HACD3: variants seen among roughly 807,000 people sequenced by gnomAD.
HACD3 encodes the protein 3-hydroxyacyl-CoA dehydratase 3.
In HACD3, 30 loss-of-function variants were observed where a neutral mutation model predicts 55.2. That is an observed-to-expected ratio of 0.54 (90% confidence interval 0.41 to 0.74). HACD3 has a LOEUF of 0.74. Among genes scored for constraint, HACD3 ranks in the 30% least tolerant of loss-of-function variants. The pLI, the probability that HACD3 is intolerant of heterozygous loss-of-function variation, is 0.00. For missense variants in HACD3, 363 were observed against 440.1 expected, an observed-to-expected ratio of 0.82 and a Z score of 1.57; for synonymous variants, 141 against 151.7, an observed-to-expected ratio of 0.93 and a Z score of 0.52.
At chr15:65,549,305 C>T (rs908579269) in intron 1 of HACD3, among the ~76,000 whole-genome samples, 3 of 151,690 alleles carry the variant, frequency 2.0e-5, no homozygotes, top group Non-Finnish European at 4.4e-5. Context: ...AGGTCAAACC[C>T]AGCCTGGTGC....
intron 8 of HACD3, among the ~76,000 whole-genome samples, 179 bp downstream of exon 8, chr15:65,570,382 G>A (rs773839347): frequency 6.6e-6 from 1 of 152,144 alleles, no homozygotes; most frequent in Non-Finnish European, 1.5e-5. Flanking sequence ...TTTTAAAGCC[G>A]TCATTGGATC....
At chr15:65,546,647 T>C (rs889880147) in intron 1 of HACD3, among the ~76,000 whole-genome samples, 5 of 152,086 alleles carry the variant, frequency 3.3e-5, no homozygotes, top group Non-Finnish European at 5.9e-5. Context: ...CAGGCTGGAG[T>C]CCAGGCTGGT....
Position 65,576,488 on chromosome 15 carries a change from T to A in HACD3, c.*109T>A. On this transcript the variant is annotated 3_prime_UTR_variant, in exon 11 of 11. Coordinates refer to ENST00000261875, the MANE Select transcript of HACD3 (RefSeq NM_016395.4). ...TTTTTAATGTTAAATGATTAAATTC[T>A]CAGTGAGGCTATCTTCCTTTTCCCC... is the stretch of plus-strand genomic sequence containing the variant. 8.7e-7 allele frequency: 1 copy of A among 1,143,210 alleles called. No homozygotes were observed. The highest frequency in any genetic ancestry group is 1.2e-6 in the Non-Finnish European group (1 of 818,372). The allele number at this position is 1,143,210 out of a possible 1,614,324, so 70.8% of individuals were successfully genotyped here. A position where few individuals can be genotyped will look rare whatever the true frequency, so the allele number is the denominator to read the frequency against.
At chr15:65,553,090 G>A (rs1056224052) in intron 2 of HACD3, 2 of 152,036 alleles carry the variant, frequency 1.3e-5, no homozygotes, top group Non-Finnish European at 2.9e-5. Context: ...TAAAAATATG[G>A]AACGCTTCAC....
intron 1 of HACD3, among the ~76,000 whole-genome samples, chr15:65,543,497 G>A (rs2141208064): frequency 6.6e-6 from 1 of 152,268 alleles, no homozygotes; most frequent in Middle Eastern, 3.4e-3. Context: ...TTATTAGGAA[G>A]CTTTTCACTG....
intron 1 of HACD3, among the ~76,000 whole-genome samples, chr15:65,549,074 G>A (rs1351701383): frequency 6.6e-6 from 1 of 152,202 alleles, no homozygotes; most frequent in Non-Finnish European, 1.5e-5. Context: ...TTTCTTGTAA[G>A]AGATGGGCTA....
chr15:65,558,596 A>G, intron 4 of HACD3, 84 bp from the exon 5 acceptor site: 1 of 1,331,242 alleles, frequency 7.5e-7, no homozygotes. Context: ...TGAGGGAGTC[A>G]GATTACTCAG....
rs2072423267 is a variant in HACD3 at position 65,577,823 on chromosome 15, A to AT, written c.*1447dup. The AT allele has an allele frequency of 6.6e-6, 1 of 152,598 alleles. No individual in the cohort carries two copies. The highest frequency in any genetic ancestry group is 6.5e-5 in the Admixed American group (1 of 15,286). 9.5% of individuals were successfully genotyped at this position (152,598 alleles called of 1,614,324 possible). A position where few individuals can be genotyped will look rare whatever the true frequency, so the allele number is the denominator to read the frequency against. On this transcript the variant is annotated 3_prime_UTR_variant, in exon 11 of 11. Coordinates refer to ENST00000261875, the MANE Select transcript of HACD3 (RefSeq NM_016395.4). ...AACACCCGCTGATCCTTTAACAAGGATTTCTGGCAGGAAACTCACAAAAAG... is the reference window on the plus strand; with the variant it reads ...AACACCCGCTGATCCTTTAACAAGGATTTTCTGGCAGGAAACTCACAAAAAG...
At chr15:65,570,250 C>G in intron 8 of HACD3, 47 bp downstream of exon 8, 1 of 1,344,838 alleles carries the variant, frequency 7.4e-7, no homozygotes. Context: ...TCCCTGTTTG[C>G]AGCAGCTCTG....
At chr15:65,572,841 G>A (rs544852287) in intron 10 of HACD3, among the ~76,000 whole-genome samples, 21 of 151,324 alleles carry the variant, frequency 1.4e-4, no homozygotes, top group East Asian at 1.4e-3. Flanking sequence ...CTTGAACCCG[G>A]GAGGCAGAGG....
At position 65,558,667 on chromosome 15, in the gene HACD3, G is replaced by T. The variant is rs776682814; in HGVS notation, c.370-13G>T. ...TAACTTGTGTTCTTGGAAAACTTTT[G>T]TCTAAATTCTAGGAAGAAGAGCGCC... is the stretch of plus-strand genomic sequence containing the variant. On this transcript the variant is annotated splice_polypyrimidine_tract_variant and intron_variant, in intron 4 of 10. Transcript: ENST00000261875. The T allele has an allele frequency of 1.9e-6, 3 of 1,587,064 alleles. No individual in the cohort carries two copies. Among genetic ancestry groups the T allele is most frequent in the Non-Finnish European group, 2.6e-6 (3 of 1,166,102 alleles).
At chr15:65,575,188 GTTTTT>G (rs1247642156) in intron 10 of HACD3, among the ~76,000 whole-genome samples, 1 of 137,252 alleles carries the variant, frequency 7.3e-6, no homozygotes, top group East Asian at 2.1e-4. Context: ...GGACTTTTTA[GTTTTT>G]TTTTTTTTTT....
chr15:65,575,657 A>T (rs192219202), intron 10 of HACD3, among the ~76,000 whole-genome samples: 1 of 152,218 alleles, frequency 6.6e-6, no homozygotes, highest in African/African-American at 2.4e-5. Flanking sequence ...TGAAGTGCAT[A>T]AAAAATGAGA....
At chr15:65,564,436 A>G in intron 7 of HACD3, 94 bp downstream of exon 7, 1 of 1,442,956 alleles carries the variant, frequency 6.9e-7, no homozygotes, top group South Asian at 1.4e-5. Context: ...CTGCTCATAA[A>G]GACATACCTG....
chr15:65,576,339 G>A lies in HACD3; in HGVS notation c.1049G>A (p.Arg350His), dbSNP rs200829921. ...YINFRHLYKQ[R>H]RRRYGQKKKK... Reference sequence around the variant, plus strand: ...AATTTTCGTCACCTTTATAAACAGCGCAGACGGCGCTATGGACAAAAAAAG... The same window carrying A: ...AATTTTCGTCACCTTTATAAACAGCACAGACGGCGCTATGGACAAAAAAAG... Residue 350 changes from arginine (R) to histidine (H), a missense_variant, in exon 11 of 11, where the codon CGC becomes CAC. By Grantham distance (29) the Arg-to-His change is conservative. Coordinates refer to ENST00000261875, the MANE Select transcript of HACD3 (RefSeq NM_016395.4). 5.1e-4 allele frequency: 812 copies of A among 1,602,996 alleles called. No homozygotes were observed. Among genetic ancestry groups the A allele is most frequent in the South Asian group, 9.5e-4 (85 of 89,396 alleles).
chr15:65,552,857 A>G (rs1406500338), intron 2 of HACD3, among the ~76,000 whole-genome samples: 1 of 134,014 alleles, frequency 7.5e-6, no homozygotes, highest in African/African-American at 2.9e-5. Context: ...CCCACCCCAC[A>G]ACAGTCCCCA....
intron 1 of HACD3, among the ~76,000 whole-genome samples, chr15:65,549,212 C>T (rs1339197846): frequency 6.6e-6 from 1 of 152,108 alleles, no homozygotes; most frequent in Non-Finnish European, 1.5e-5. Context: ...GTGGAAACTG[C>T]TTTTGCCTTG....
intron 3 of HACD3, among the ~76,000 whole-genome samples, chr15:65,555,858 T>C (rs1239649112): frequency 6.6e-6 from 1 of 152,126 alleles, no homozygotes; most frequent in Non-Finnish European, 1.5e-5. Context: ...GGAGGAAAAT[T>C]TATAAGCTGA....
intron 3 of HACD3, among the ~76,000 whole-genome samples, chr15:65,555,677 A>C (rs2072182082): frequency 1.3e-5 from 2 of 152,186 alleles, no homozygotes; most frequent in South Asian, 4.1e-4. Context: ...AAGGGACAGG[A>C]CATGTAGACA....
Sources: gnomAD v4.1 joint callset for allele counts (sites outside exome capture counted in the v4.1 genomes callset) on GRCh38, gnomAD v4.1.1 for gene constraint, MANE v1.5 for transcripts, NCBI Gene and HGNC (gene_info 2026-07-23, HGNC 2026-07-21) for gene names.